Variants in SEMA3C observed in about 807,000 individuals in gnomAD.
SEMA3C encodes semaphorin-3C.
In SEMA3C, 47 loss-of-function variants were observed where a neutral mutation model predicts 89.4. The ratio of observed to expected loss-of-function variants is 0.53; its 90% CI spans 0.42 to 0.67. SEMA3C has a LOEUF of 0.67. Among genes scored for constraint, SEMA3C ranks in the 30% least tolerant of loss-of-function variants. The pLI is 0.00. For missense variants in SEMA3C, 839 were observed against 929.1 expected (o/e 0.90, Z 1.26); for synonymous variants, 310 against 320.2 (o/e 0.97, Z 0.34).
intron 2 of SEMA3C, among the ~76,000 whole-genome samples, chr7:80,840,100 C>A (rs1009707821): frequency 6.6e-6 from 1 of 152,052 alleles, no homozygotes. Context: ...TAACACAATG[C>A]TTGTGTTTAT....
intron 4 of SEMA3C, among the ~76,000 whole-genome samples, chr7:80,819,375 G>A (rs981440660): frequency 3.3e-5 from 5 of 152,040 alleles, no homozygotes; most frequent in African/African-American, 1.2e-4. Context: ...TTCTTTACCT[G>A]AGAAAGTTTA....
chr7:80,919,178 C>A (rs966471813), upstream of SEMA3C: 3 of 984,774 alleles, frequency 3.0e-6, no homozygotes, highest in East Asian at 1.1e-4. Context: ...CAGCCCCGGC[C>A]GCATCTCCGC....
In SEMA3C at chr7:80,742,848, T is replaced by A. The variant is rs145171238; in HGVS notation, c.*2046A>T. 405 of 152,116 alleles carry A rather than the reference T, an allele frequency of 2.7e-3. 2 individuals are homozygous for A. Among genetic ancestry groups the A allele is most frequent in the African/African-American group, 9.0e-3 (375 of 41,552 alleles). 9.4% of individuals were successfully genotyped at this position (152,116 alleles called of 1,614,324 possible). Reference sequence around the variant, plus strand: ...TTTTGAAAAAAAATTTTCTTTTACATTCAGCAGAGTTATGTTCATGAAGAA... The same window carrying A: ...TTTTGAAAAAAAATTTTCTTTTACAATCAGCAGAGTTATGTTCATGAAGAA... On this transcript the variant is annotated 3_prime_UTR_variant, in exon 18 of 18. Transcript: ENST00000265361.
upstream of SEMA3C, chr7:80,922,187 T>C (rs776009569): frequency 4.2e-6 from 5 of 1,179,350 alleles, no homozygotes; most frequent in Non-Finnish European, 5.6e-6. Context: ...GTAGTAAATA[T>C]CAGAATAGGA....
chr7:80,799,929 A>G (rs566664569), intron 10 of SEMA3C, among the ~76,000 whole-genome samples: 135 of 151,828 alleles, frequency 8.9e-4, no homozygotes, highest in African/African-American at 3.1e-3. Flanking sequence ...AGGCTGGCGG[A>G]TCACGAGGTC....
intron 12 of SEMA3C, among the ~76,000 whole-genome samples, chr7:80,783,345 T>TCTCC (rs1788731488): frequency 6.6e-6 from 1 of 152,138 alleles, no homozygotes; most frequent in Non-Finnish European, 1.5e-5. Context: ...TTATCATCTA[T>TCTCC]CTCCCATCAA....
intron 12 of SEMA3C, among the ~76,000 whole-genome samples, chr7:80,768,882 G>T (rs1396207717): frequency 3.3e-5 from 5 of 152,122 alleles, no homozygotes; most frequent in African/African-American, 1.2e-4. Context: ...GCATGAAGGA[G>T]AGAAAACTCA....
chr7:80,876,904 C>T (rs1184041745), intron 2 of SEMA3C, among the ~76,000 whole-genome samples: 1 of 152,178 alleles, frequency 6.6e-6, no homozygotes, highest in African/African-American at 2.4e-5. Context: ...CTCTTTCCAT[C>T]ACTGCATTGC....
At chr7:80,875,625 T>C (rs1258469196) in intron 2 of SEMA3C, among the ~76,000 whole-genome samples, 1 of 152,058 alleles carries the variant, frequency 6.6e-6, no homozygotes, top group Non-Finnish European at 1.5e-5. Flanking sequence ...TCCAACTCCA[T>C]CACACTAGGG....
chr7:80,888,778 T>G (rs1483223485), intron 2 of SEMA3C, among the ~76,000 whole-genome samples: 1 of 152,146 alleles, frequency 6.6e-6, no homozygotes, highest in Non-Finnish European at 1.5e-5. Context: ...AAAAAAATAT[T>G]GAGTCCAACT....
chr7:80,922,086 G>A (rs894331162), upstream of SEMA3C, among the ~76,000 whole-genome samples: 2 of 152,064 alleles, frequency 1.3e-5, no homozygotes, highest in South Asian at 4.1e-4. Flanking sequence ...GTGTATTTGC[G>A]AGGTACTTTG....
At chr7:80,845,905 T>C (rs985875829) in intron 2 of SEMA3C, among the ~76,000 whole-genome samples, 6 of 152,148 alleles carry the variant, frequency 3.9e-5, no homozygotes, top group East Asian at 3.9e-4. Context: ...TTTCACTCTG[T>C]CCCATTTGAA....
chr7:80,903,973 G>A (rs1347423814), intron 2 of SEMA3C, among the ~76,000 whole-genome samples: 1 of 152,048 alleles, frequency 6.6e-6, no homozygotes. Context: ...GACACAGAGG[G>A]CATCTATTGC....
intron 2 of SEMA3C, among the ~76,000 whole-genome samples, chr7:80,914,218 A>C (rs1033963685): frequency 1.3e-5 from 2 of 152,222 alleles, no homozygotes; most frequent in Non-Finnish European, 2.9e-5. Context: ...AGTATATGCC[A>C]CATGTATTTA....
intron 2 of SEMA3C, among the ~76,000 whole-genome samples, chr7:80,889,814 A>C (rs1791570588): frequency 6.6e-6 from 1 of 152,184 alleles, no homozygotes; most frequent in Non-Finnish European, 1.5e-5. Context: ...TTCATCCATG[A>C]TAATTTTTAG....
intron 12 of SEMA3C, among the ~76,000 whole-genome samples, chr7:80,777,600 G>C (rs1788580974): frequency 6.6e-6 from 1 of 152,054 alleles, no homozygotes; most frequent in South Asian, 2.1e-4. Flanking sequence ...CCTTGTATTT[G>C]GTTTTATACA....
At chr7:80,874,977 G>A (rs756232207) in intron 2 of SEMA3C, among the ~76,000 whole-genome samples, 14 of 151,890 alleles carry the variant, frequency 9.2e-5, no homozygotes, top group African/African-American at 2.7e-4. Context: ...CCAGCTACTC[G>A]GGAGGCTGAG....
At chr7:80,833,776 T>G (rs1382559146) in intron 2 of SEMA3C, among the ~76,000 whole-genome samples, 1 of 152,144 alleles carries the variant, frequency 6.6e-6, no homozygotes, top group Non-Finnish European at 1.5e-5. Context: ...CGACCATTTT[T>G]TTTTTTTAGA....
intron 14 of SEMA3C, 75 bp from the exon 15 acceptor site, chr7:80,758,563 T>C (rs1788118181): frequency 7.2e-7 from 1 of 1,381,096 alleles, no homozygotes; most frequent in South Asian, 1.2e-5. Flanking sequence ...CACATTATAA[T>C]ATATGCCCAC....
Sources: allele counts gnomAD v4.1 joint callset (sites outside exome capture counted in the v4.1 genomes callset), GRCh38; gene constraint gnomAD v4.1.1; transcripts MANE v1.5; gene names NCBI Gene and HGNC (gene_info 2026-07-23, HGNC 2026-07-21).